The following ANAPC10 variants were observed in gnomAD, a reference collection of about 807,000 sequenced individuals.
ANAPC10 encodes the protein anaphase promoting complex subunit 10.
In ANAPC10, 12 loss-of-function variants were observed where a neutral mutation model predicts 22.0. The observed-to-expected ratio is 0.55, with a 90% CI of 0.35 to 0.88. The LOEUF (loss-of-function observed/expected upper bound fraction) is 0.88. Among genes scored for constraint, ANAPC10 ranks in the 40% least tolerant of loss-of-function variants. ANAPC10 has a pLI of 0.01. For missense variants in ANAPC10, 188 were observed against 220.9 expected (o/e 0.85, Z 0.94); for synonymous variants, 65 against 69.5 (o/e 0.94, Z 0.32).
intron 4 of ANAPC10, among the ~76,000 whole-genome samples, chr4:145,036,295 G>A (rs1738520334): frequency 6.6e-6 from 1 of 152,206 alleles, no homozygotes; most frequent in African/African-American, 2.4e-5. Flanking sequence ...GATATGATTA[G>A]ATCACAGCTT....
At chr4:144,995,702 T>C in intron 4 of ANAPC10, 99 bp from the exon 5 acceptor site, 2 of 828,428 alleles carry the variant, frequency 2.4e-6, no homozygotes, top group Non-Finnish European at 3.7e-6. Context: ...ATTAACATTT[T>C]GCTCAACGAA....
chr4:145,013,631 G>A lies in ANAPC10; in HGVS notation c.328-18028C>T, dbSNP rs116048657. Among the ~76,000 whole-genome samples the A allele has an allele frequency of 1.5e-3, 226 of 152,222 alleles. 1 individual carries two copies. The highest frequency in any genetic ancestry group is 5.1e-3 in the African/African-American group (212 of 41,508). ...TCGGATGAACAGAGCAGCATGTGGA[G>A]GCTCATATCGTGAATTTTAGCTCCA... On this transcript the variant is annotated intron_variant, in intron 4 of 4. Transcript: ENST00000507656.
chr4:145,047,943 T>G (rs1292120470), intron 4 of ANAPC10, among the ~76,000 whole-genome samples: 1 of 152,126 alleles, frequency 6.6e-6, no homozygotes, highest in Non-Finnish European at 1.5e-5. Flanking sequence ...TTATCATATT[T>G]AGCCAGAGCT....
rs564227557 is a variant in ANAPC10 at position 144,994,796 on chromosome 4, G to T, written c.*577C>A. The T allele has an allele frequency of 1.3e-5, 2 of 152,074 alleles. No individual in the cohort carries two copies. Among genetic ancestry groups the T allele is most frequent in the African/African-American group, 4.8e-5 (2 of 41,394 alleles). 9.4% of individuals were successfully genotyped at this position (152,074 alleles called of 1,614,324 possible). On this transcript the variant is annotated 3_prime_UTR_variant, in exon 5 of 5. Coordinates refer to ENST00000507656, the MANE Select transcript of ANAPC10 (RefSeq NM_001256706.2). Reference sequence around the variant, plus strand: ...ACAACCCTAGGGCTGTAAGTATTCCGTGAAGGTGAATATGAGACAATTAAT... The same window carrying T: ...ACAACCCTAGGGCTGTAAGTATTCCTTGAAGGTGAATATGAGACAATTAAT...
chr4:145,097,660 G>T, intron 1 of ANAPC10: 2 of 604,182 alleles, frequency 3.3e-6, no homozygotes, highest in Non-Finnish European at 5.4e-6. Context: ...AGATGAATAG[G>T]TTCAGTTATG....
intron 3 of ANAPC10, among the ~76,000 whole-genome samples, chr4:145,080,113 CAAAAAAAA>C (rs70956824): frequency 1.5e-4 from 4 of 26,810 alleles, no homozygotes; most frequent in Non-Finnish European, 2.5e-4. Context: ...GACTCTGTCT[CAAAAAAAA>C]AAAAAAAAAA....
At chr4:145,008,971 G>A (rs1452683804) in intron 4 of ANAPC10, among the ~76,000 whole-genome samples, 3 of 152,138 alleles carry the variant, frequency 2.0e-5, no homozygotes, top group East Asian at 3.8e-4. Flanking sequence ...TCCTTAAGCT[G>A]ATAAGCAACT....
At chr4:145,063,907 G>A (rs1743275288) in intron 4 of ANAPC10, 1 of 152,006 alleles carries the variant, frequency 6.6e-6, no homozygotes, top group South Asian at 2.1e-4. Context: ...TTGTAAAACA[G>A]GCAATATGGA....
chr4:145,090,573 T>G (rs1447071314), intron 2 of ANAPC10, among the ~76,000 whole-genome samples: 1 of 152,228 alleles, frequency 6.6e-6, no homozygotes, highest in Non-Finnish European at 1.5e-5. Flanking sequence ...TATTGTGTAA[T>G]GGAGTCTGTC....
At chr4:145,019,126 T>C (rs762980032) in intron 4 of ANAPC10, among the ~76,000 whole-genome samples, 17 of 152,078 alleles carry the variant, frequency 1.1e-4, no homozygotes, top group Non-Finnish European at 1.6e-4. Context: ...GAACATTCCA[T>C]CCAAGAACCA....
chr4:145,065,978 GA>G (rs898488759), intron 3 of ANAPC10, among the ~76,000 whole-genome samples: 3 of 147,862 alleles, frequency 2.0e-5, no homozygotes, highest in Non-Finnish European at 4.5e-5. Flanking sequence ...TGGCCACCAG[GA>G]AAAAAAAAAT....
intron 4 of ANAPC10, among the ~76,000 whole-genome samples, chr4:145,017,324 C>T (rs1423179323): frequency 1.3e-5 from 2 of 152,146 alleles, no homozygotes; most frequent in African/African-American, 4.8e-5. Context: ...TGAACAGACA[C>T]TTCTCAAAAG....
chr4:145,038,099 C>T (rs965247282), intron 4 of ANAPC10, among the ~76,000 whole-genome samples: 2 of 151,916 alleles, frequency 1.3e-5, no homozygotes, highest in Non-Finnish European at 2.9e-5. Context: ...TTTTAGGAGG[C>T]GTAAAGGGGA....
rs57351496 is a variant in ANAPC10 at position 145,084,580 on chromosome 4, T to TA, written c.116-2831dup. On this transcript the variant is annotated intron_variant, in intron 2 of 4. Transcript: ENST00000507656. ...CTAACATTAACAATAGTTGATGAGCTAAAAAAAAAAAAATTCATAATGTTT... is the reference window on the plus strand; with the variant it reads ...CTAACATTAACAATAGTTGATGAGCTAAAAAAAAAAAAAATTCATAATGTTT... 5.0e-3 allele frequency among the ~76,000 whole-genome samples: 729 copies of TA among 145,450 alleles called. 10 individuals carry two copies. The highest frequency in any genetic ancestry group is 0.015 in the African/African-American group (610 of 39,916).
chr4:144,997,184 A>C (rs1286752306), intron 4 of ANAPC10, among the ~76,000 whole-genome samples: 1 of 152,212 alleles, frequency 6.6e-6, no homozygotes, highest in East Asian at 1.9e-4. Context: ...GCCCAGAAGA[A>C]CTTCCCCAAT....
chr4:145,061,755 G>GA (rs1378178589), intron 4 of ANAPC10, among the ~76,000 whole-genome samples: 1 of 152,114 alleles, frequency 6.6e-6, no homozygotes, highest in Non-Finnish European at 1.5e-5. Flanking sequence ...AGTCATCAGA[G>GA]AACTAAACAC....
At chr4:145,007,979 T>C (rs789342) in intron 4 of ANAPC10, among the ~76,000 whole-genome samples, 38,913 of 151,332 alleles carry the variant, frequency 0.26, 6,448 homozygotes, top group African/African-American at 0.45. Flanking sequence ...ATCAAATAGA[T>C]GCAATGAAAA....
At chr4:145,032,819 C>A (rs1295783525) in intron 4 of ANAPC10, among the ~76,000 whole-genome samples, 1 of 152,214 alleles carries the variant, frequency 6.6e-6, no homozygotes, top group African/African-American at 2.4e-5. Context: ...TTATATTGGA[C>A]TTCTTCCATC....
At chr4:145,083,891 T>G (rs1746467045) in intron 2 of ANAPC10, among the ~76,000 whole-genome samples, 1 of 152,228 alleles carries the variant, frequency 6.6e-6, no homozygotes, top group Non-Finnish European at 1.5e-5. Flanking sequence ...ATTTATATTT[T>G]CATGCTTATT....
Sources: gnomAD v4.1 joint callset for allele counts (sites outside exome capture counted in the v4.1 genomes callset) on GRCh38, gnomAD v4.1.1 for gene constraint, MANE v1.5 for transcripts, NCBI Gene and HGNC (gene_info 2026-07-23, HGNC 2026-07-21) for gene names.